Variants in EXT1 observed in about 807,000 individuals in gnomAD.
The protein encoded by EXT1 is exostosin glycosyltransferase 1.
Under a neutral mutation model 82.5 loss-of-function variants are expected in EXT1, and 20 were observed. The ratio of observed to expected loss-of-function variants is 0.24; its 90% CI spans 0.17 to 0.35. The LOEUF (loss-of-function observed/expected upper bound fraction) is 0.35. EXT1 is among the 10% of genes least tolerant of loss of function. The pLI, the probability that EXT1 is intolerant of heterozygous loss-of-function variation, is 1.00. For synonymous variants in EXT1, 348 were observed against 350.8 expected (o/e 0.99, Z 0.09); for missense variants, 757 against 936.5 (o/e 0.81, Z 2.50).
intron 1 of EXT1, among the ~76,000 whole-genome samples, chr8:118,108,694 A>G (rs1817839547): frequency 6.6e-6 from 1 of 152,132 alleles, no homozygotes; most frequent in Admixed American, 6.5e-5. Flanking sequence ...TTCACTCTCT[A>G]TGATCAAGTC....
chr8:117,827,336 G>C (rs1812023367), intron 4 of EXT1, among the ~76,000 whole-genome samples: 1 of 152,068 alleles, frequency 6.6e-6, no homozygotes, highest in Non-Finnish European at 1.5e-5. Flanking sequence ...AACATTAATA[G>C]TAAATAATGG....
chr8:118,043,580 G>A (rs1816572523), intron 1 of EXT1, among the ~76,000 whole-genome samples: 1 of 152,112 alleles, frequency 6.6e-6, no homozygotes, highest in African/African-American at 2.4e-5. Flanking sequence ...GTCCACTAAG[G>A]GTAACCTCAT....
intron 1 of EXT1, among the ~76,000 whole-genome samples, chr8:117,954,192 G>T (rs1012556114): frequency 6.6e-6 from 1 of 152,180 alleles, no homozygotes; most frequent in African/African-American, 2.4e-5. Flanking sequence ...GCCCAGCTCT[G>T]ACTGCCCCTC....
intron 1 of EXT1, among the ~76,000 whole-genome samples, chr8:118,071,353 C>A (rs1223560301): frequency 1.3e-5 from 2 of 152,098 alleles, no homozygotes; most frequent in South Asian, 2.1e-4. Context: ...TCTTTGTTTG[C>A]GCTGACACAG....
chr8:117,989,614 G>A (rs999536516), intron 1 of EXT1, among the ~76,000 whole-genome samples: 3 of 152,180 alleles, frequency 2.0e-5, no homozygotes, highest in Non-Finnish European at 2.9e-5. Flanking sequence ...TTTGCAAACG[G>A]CCAAGTCATA....
chr8:117,959,317 T>C (rs1814650761), intron 1 of EXT1, among the ~76,000 whole-genome samples: 1 of 152,232 alleles, frequency 6.6e-6, no homozygotes, highest in Non-Finnish European at 1.5e-5. Context: ...GATCAAGCTC[T>C]AGCCTGTTCC....
intron 1 of EXT1, among the ~76,000 whole-genome samples, chr8:118,007,125 G>A (rs888446499): frequency 2.0e-5 from 3 of 152,082 alleles, no homozygotes; most frequent in Admixed American, 6.6e-5. Context: ...GTGAAACCCC[G>A]TTTCTACTAA....
At chr8:117,989,277 C>A (rs1463144158) in intron 1 of EXT1, among the ~76,000 whole-genome samples, 2 of 151,496 alleles carry the variant, frequency 1.3e-5, no homozygotes, top group Non-Finnish European at 2.9e-5. Context: ...CTGGCTCCTG[C>A]GTCGGCTAAG....
chr8:117,831,993 A>G (rs982868722), intron 3 of EXT1, among the ~76,000 whole-genome samples: 3 of 152,246 alleles, frequency 2.0e-5, no homozygotes, highest in African/African-American at 7.2e-5. Flanking sequence ...AATGGAAATA[A>G]AACATTCTTT....
At chr8:117,855,521 C>G (rs930020795) in intron 1 of EXT1, among the ~76,000 whole-genome samples, 2 of 152,154 alleles carry the variant, frequency 1.3e-5, no homozygotes, top group African/African-American at 4.8e-5. Flanking sequence ...TGTGTGTGTT[C>G]TGACTATGCT....
At chr8:118,064,658 T>C (rs1420178103) in intron 1 of EXT1, among the ~76,000 whole-genome samples, 1 of 152,186 alleles carries the variant, frequency 6.6e-6, no homozygotes, top group African/African-American at 2.4e-5. Context: ...TGTGTCTTTA[T>C]AGCGGAATAA....
At chr8:117,861,060 A>T (rs1812675614) in intron 1 of EXT1, among the ~76,000 whole-genome samples, 2 of 152,230 alleles carry the variant, frequency 1.3e-5, no homozygotes, top group Non-Finnish European at 2.9e-5. Flanking sequence ...TTTCCAAATC[A>T]TCTGGCCTTC....
intron 4 of EXT1, among the ~76,000 whole-genome samples, chr8:117,829,774 C>T (rs988615656): frequency 3.7e-4 from 56 of 152,010 alleles, no homozygotes; most frequent in African/African-American, 1.4e-3. Flanking sequence ...GAGGTTTCAC[C>T]ATGTTGGCCA....
intron 1 of EXT1, among the ~76,000 whole-genome samples, chr8:118,010,082 G>A (rs1290403635): frequency 6.6e-6 from 1 of 152,110 alleles, no homozygotes; most frequent in Non-Finnish European, 1.5e-5. Context: ...ATTGCAAGAT[G>A]GATGTTAGGA....
At chr8:117,964,649 GTTTGTTT>G (rs1351997884) in intron 1 of EXT1, among the ~76,000 whole-genome samples, 1 of 151,138 alleles carries the variant, frequency 6.6e-6, no homozygotes, top group Non-Finnish European at 1.5e-5. Flanking sequence ...TTGTTTGTTT[GTTTGTTT>G]TTTGTTTTTT....
chr8:117,809,176 TATGTGC>T (rs964701366), intron 8 of EXT1, among the ~76,000 whole-genome samples: 1 of 148,378 alleles, frequency 6.7e-6, no homozygotes, highest in Non-Finnish European at 1.5e-5. Flanking sequence ...TGTATGTATG[TATGTGC>T]ATGTGTGTAG....
chr8:117,883,985 G>A (rs959945526), intron 1 of EXT1, among the ~76,000 whole-genome samples: 3 of 152,200 alleles, frequency 2.0e-5, no homozygotes, highest in Non-Finnish European at 4.4e-5. Flanking sequence ...GCTTATGAGT[G>A]TCACTTGGGG....
intron 1 of EXT1, among the ~76,000 whole-genome samples, chr8:117,925,092 G>T (rs1474105833): frequency 7.9e-5 from 12 of 152,158 alleles, no homozygotes; most frequent in Non-Finnish European, 4.4e-5. Flanking sequence ...CCACGATAAT[G>T]CTATCCCAAT....
At chr8:117,931,890 C>T (rs1050153062) in intron 1 of EXT1, among the ~76,000 whole-genome samples, 1 of 152,148 alleles carries the variant, frequency 6.6e-6, no homozygotes, top group African/African-American at 2.4e-5. Flanking sequence ...TTGAAATGTT[C>T]TGTTTGCAAG....
Sources: allele counts gnomAD v4.1 joint callset (sites outside exome capture counted in the v4.1 genomes callset), GRCh38; gene constraint gnomAD v4.1.1; transcripts MANE v1.5; gene names NCBI Gene and HGNC (gene_info 2026-07-23, HGNC 2026-07-21).